Variants in LRMDA observed in about 807,000 individuals in gnomAD.
LRMDA encodes the protein leucine-rich melanocyte differentiation-associated protein.
A neutral mutation model predicts 29.8 loss-of-function variants in LRMDA; 18 were observed. The ratio of observed to expected loss-of-function variants is 0.60; its 90% CI spans 0.42 to 0.90. The LOEUF (loss-of-function observed/expected upper bound fraction) is 0.90. Among genes scored for constraint, LRMDA ranks in the 40% least tolerant of loss-of-function variants. The pLI, the probability that LRMDA is intolerant of heterozygous loss-of-function variation, is 0.00. For missense variants in LRMDA, 273 were observed against 273.9 expected (o/e 1.00, Z 0.02); for synonymous variants, 125 against 109.4 (o/e 1.14, Z -0.89).
chr10:75,985,819 A>C (rs889421288), intron 2 of LRMDA, among the ~76,000 whole-genome samples: 6 of 152,178 alleles, frequency 3.9e-5, no homozygotes, highest in African/African-American at 1.4e-4. Flanking sequence ...AGACCCGCCA[A>C]AGGAAGATGC....
chr10:76,491,324 A>G (rs1231332409), intron 6 of LRMDA, among the ~76,000 whole-genome samples: 4 of 151,952 alleles, frequency 2.6e-5, no homozygotes, highest in African/African-American at 9.7e-5. Context: ...TTTCTTCCTG[A>G]TTAAAGAACT....
intron 5 of LRMDA, among the ~76,000 whole-genome samples, chr10:76,136,465 T>C (rs1193930158): frequency 6.6e-6 from 1 of 152,180 alleles, no homozygotes; most frequent in Non-Finnish European, 1.5e-5. Context: ...TTATATTATC[T>C]GGTTCACATG....
chr10:76,314,077 TAAGAA>T (rs1037510310), intron 5 of LRMDA, among the ~76,000 whole-genome samples: 14 of 152,110 alleles, frequency 9.2e-5, no homozygotes, highest in African/African-American at 3.4e-4. Flanking sequence ...CTCAAAGAAT[TAAGAA>T]AAGATTATTA....
At chr10:75,618,374 CTCTCTCTCTATATATA>C (rs1268475042) in intron 2 of LRMDA, among the ~76,000 whole-genome samples, 8 of 93,828 alleles carry the variant, frequency 8.5e-5, no homozygotes, top group Middle Eastern at 4.9e-3. Flanking sequence ...CTCTCTCTCT[CTCTCTCTCTATATATA>C]TATATATATA....
At chr10:75,535,340 G>C (rs1485581667) in intron 2 of LRMDA, among the ~76,000 whole-genome samples, 4 of 151,814 alleles carry the variant, frequency 2.6e-5, no homozygotes, top group Admixed American at 1.3e-4. Context: ...TTCCAGTTGA[G>C]GTCCTTGTCT....
intron 2 of LRMDA, among the ~76,000 whole-genome samples, chr10:75,511,215 G>T (rs1392661071): frequency 6.6e-6 from 1 of 152,050 alleles, no homozygotes. Context: ...TGCATCTGTA[G>T]TCCCACCTAC....
At chr10:76,251,817 C>A (rs1056226312) in intron 5 of LRMDA, among the ~76,000 whole-genome samples, 5 of 152,152 alleles carry the variant, frequency 3.3e-5, no homozygotes, top group Admixed American at 1.3e-4. Context: ...AGAGAAGAAA[C>A]CCTGTTTGAA....
chr10:75,887,692 G>T (rs904851001), intron 2 of LRMDA, among the ~76,000 whole-genome samples: 1 of 152,148 alleles, frequency 6.6e-6, no homozygotes, highest in Admixed American at 6.5e-5. Context: ...TTACTATCTG[G>T]CCCTTTACAG....
chr10:76,117,651 TA>T (rs1348043935), intron 5 of LRMDA, among the ~76,000 whole-genome samples: 3 of 152,214 alleles, frequency 2.0e-5, no homozygotes, highest in Admixed American at 1.3e-4. Context: ...TCGAGTGAGT[TA>T]TATAAAATAC....
chr10:75,814,219 A>G (rs532107482), intron 2 of LRMDA, among the ~76,000 whole-genome samples: 90 of 152,246 alleles, frequency 5.9e-4, no homozygotes, highest in Admixed American at 8.5e-4. Flanking sequence ...GCAGGTATTG[A>G]TCTTGTTTTC....
intron 2 of LRMDA, among the ~76,000 whole-genome samples, chr10:75,540,975 G>GT (rs147745801): frequency 0.011 from 1,685 of 149,504 alleles, 20 homozygotes; most frequent in African/African-American, 0.032. Flanking sequence ...AAGTTTTGTT[G>GT]TTTTTTTTTT....
At chr10:76,435,730 G>T (rs1842238243) in intron 6 of LRMDA, among the ~76,000 whole-genome samples, 1 of 152,152 alleles carries the variant, frequency 6.6e-6, no homozygotes, top group Non-Finnish European at 1.5e-5. Context: ...TAGAGGGGTT[G>T]GTGCTTGGGT....
chr10:76,355,760 C>A (rs1326435116), intron 6 of LRMDA, among the ~76,000 whole-genome samples: 1 of 152,094 alleles, frequency 6.6e-6, no homozygotes, highest in African/African-American at 2.4e-5. Context: ...TGCATGCATG[C>A]CGATTGTGAA....
intron 5 of LRMDA, among the ~76,000 whole-genome samples, chr10:76,293,584 C>G (rs1840376017): frequency 6.6e-6 from 1 of 152,134 alleles, no homozygotes; most frequent in Admixed American, 6.5e-5. Flanking sequence ...CTAAGAGTTC[C>G]CATAAACATG....
At chr10:76,475,371 G>A (rs1353980271) in intron 6 of LRMDA, among the ~76,000 whole-genome samples, 4 of 151,076 alleles carry the variant, frequency 2.6e-5, no homozygotes, top group Non-Finnish European at 5.9e-5. Flanking sequence ...AAGAAAAGAT[G>A]AATACAGGAG....
chr10:75,450,097 G>A (rs1844442975), intron 2 of LRMDA: 1 of 151,996 alleles, frequency 6.6e-6, no homozygotes, highest in African/African-American at 2.4e-5. Flanking sequence ...TTAATTGCAG[G>A]GATATAATAA....
intron 2 of LRMDA, among the ~76,000 whole-genome samples, chr10:75,757,023 A>G (rs1843040198): frequency 6.6e-6 from 1 of 152,184 alleles, no homozygotes; most frequent in Non-Finnish European, 1.5e-5. Flanking sequence ...AATTTTAACT[A>G]TTGATGGTTT....
intron 6 of LRMDA, among the ~76,000 whole-genome samples, chr10:76,511,395 G>T (rs1363454671): frequency 6.6e-6 from 1 of 152,066 alleles, no homozygotes; most frequent in Non-Finnish European, 1.5e-5. Context: ...GCTCATGTGT[G>T]AGGGGAAAAG....
rs191637198 is a variant in LRMDA, at chr10:75,813,388, G to T, written c.132-222620G>T. Among the ~76,000 whole-genome samples, 118 of 152,210 alleles carry T rather than the reference G, an allele frequency of 7.8e-4. No homozygotes were observed. The East Asian group carries it at 0.013, about 16-fold the overall frequency. On this transcript the variant is annotated intron_variant, in intron 2 of 6. Coordinates refer to ENST00000611255, the MANE Select transcript of LRMDA (RefSeq NM_001305581.2). ...GGAGGGTCTACATCTTAATCACTTG[G>T]GATTTCCATCAGAATCTGTTGTGAG...
Sources: allele counts gnomAD v4.1 joint callset (sites outside exome capture counted in the v4.1 genomes callset), GRCh38; gene constraint gnomAD v4.1.1; transcripts MANE v1.5; gene names NCBI Gene and HGNC (gene_info 2026-07-23, HGNC 2026-07-21).